WDFY3: variants seen among roughly 807,000 people sequenced by gnomAD.
WDFY3 encodes WD repeat and FYVE domain containing 3.
A neutral mutation model predicts 409.6 loss-of-function variants in WDFY3; 66 were observed. The observed-to-expected ratio is 0.16, with a 90% CI of 0.13 to 0.20. The LOEUF (loss-of-function observed/expected upper bound fraction) is 0.20, where lower values mean the gene tolerates loss of function less well. Ranked by LOEUF, WDFY3 falls within the 10% of genes least tolerant of loss-of-function variation. WDFY3 has a pLI of 1.00. For synonymous variants in WDFY3, 1,521 were observed against 1,537.1 expected, an observed-to-expected ratio of 0.99 and a Z score of 0.25; for missense variants, 3,031 against 4,298.1, an observed-to-expected ratio of 0.71 and a Z score of 8.24.
At chr4:84,675,371 T>G (rs1726100182) in intron 67 of WDFY3, among the ~76,000 whole-genome samples, 1 of 152,186 alleles carries the variant, frequency 6.6e-6, no homozygotes, top group Non-Finnish European at 1.5e-5. Context: ...TTTGGGTCCC[T>G]CATCTTGAAC....
chr4:84,789,997 T>C, intron 21 of WDFY3, 90 bp from the exon 22 acceptor site: 8 of 1,324,580 alleles, frequency 6.0e-6, no homozygotes, highest in Non-Finnish European at 7.3e-6. Flanking sequence ...TTTGACTTTA[T>C]GTTAAAACAA....
At chr4:84,709,386 A>C (rs771680297) in intron 51 of WDFY3, 39 bp from the exon 52 acceptor site, 15 of 1,550,744 alleles carry the variant, frequency 9.7e-6, no homozygotes, top group Non-Finnish European at 1.3e-5. Context: ...ACAAGCAATA[A>C]AATTTTAAAT....
intron 56 of WDFY3, among the ~76,000 whole-genome samples, chr4:84,698,337 T>G (rs1372093633): frequency 6.6e-6 from 1 of 151,212 alleles, no homozygotes; most frequent in Non-Finnish European, 1.5e-5. Flanking sequence ...CAGCCTGGAG[T>G]GCAGTGGTAT....
intron 55 of WDFY3, among the ~76,000 whole-genome samples, chr4:84,703,518 C>G (rs1731410043): frequency 6.6e-6 from 1 of 152,154 alleles, no homozygotes; most frequent in Non-Finnish European, 1.5e-5. Context: ...AACTCTTCCC[C>G]TACAACTAAC....
intron 18 of WDFY3, 132 bp from the exon 19 acceptor site, chr4:84,796,884 T>G (rs566515925): frequency 1.4e-6 from 1 of 694,828 alleles, no homozygotes; most frequent in South Asian, 2.0e-5. Flanking sequence ...AAGATCATTA[T>G]CCAGTTTTAA....
At chr4:84,890,936 C>T (rs1348284232) in intron 3 of WDFY3, among the ~76,000 whole-genome samples, 1 of 152,170 alleles carries the variant, frequency 6.6e-6, no homozygotes, top group Non-Finnish European at 1.5e-5. Flanking sequence ...ACTACAGGTG[C>T]CTACCACTGT....
intron 1 of WDFY3, among the ~76,000 whole-genome samples, chr4:84,933,593 T>C (rs918191752): frequency 5.9e-4 from 89 of 152,120 alleles, no homozygotes; most frequent in African/African-American, 2.1e-3. Flanking sequence ...ACTGTCACCC[T>C]ATTGTGCTAC....
chr4:84,833,158 A>C (rs1756005052), intron 7 of WDFY3, among the ~76,000 whole-genome samples: 1 of 152,150 alleles, frequency 6.6e-6, no homozygotes, highest in Non-Finnish European at 1.5e-5. Flanking sequence ...ACACACCATT[A>C]AGAGCCTGCC....
chr4:84,679,598 G>A (rs138465846), intron 64 of WDFY3, among the ~76,000 whole-genome samples: 3 of 152,192 alleles, frequency 2.0e-5, no homozygotes, highest in Admixed American at 6.5e-5. Flanking sequence ...CTCCAAAGGT[G>A]AGCTTCTTCA....
At chr4:84,710,444 A>G (rs1212000664) in intron 51 of WDFY3, among the ~76,000 whole-genome samples, 1 of 152,226 alleles carries the variant, frequency 6.6e-6, no homozygotes, top group Admixed American at 6.5e-5. Flanking sequence ...TATAATATTG[A>G]TAATTAATAA....
In WDFY3 at chr4:84,740,171, A is replaced by G. The variant is rs762897429; in HGVS notation, c.6464+16T>C. The G allele has an allele frequency of 3.7e-6, 6 of 1,612,998 alleles. No homozygotes were observed. The highest frequency in any genetic ancestry group is 1.1e-5 in the South Asian group (1 of 91,054). On this transcript the variant is annotated intron_variant, in intron 39 of 67. Transcript: ENST00000295888. Reference sequence around the variant, plus strand: ...AAGCCAAATTTAACATGGCAAACTGAACCTAAAGGATTTACCTTCCAACAT... The same window carrying G: ...AAGCCAAATTTAACATGGCAAACTGGACCTAAAGGATTTACCTTCCAACAT...
intron 3 of WDFY3, among the ~76,000 whole-genome samples, chr4:84,894,713 G>A (rs1765389168): frequency 6.6e-6 from 1 of 151,948 alleles, no homozygotes; most frequent in African/African-American, 2.4e-5. Flanking sequence ...TTCAACCCAG[G>A]AGGCAGAGGA....
chr4:84,852,946 T>C (rs1274169785), intron 4 of WDFY3, among the ~76,000 whole-genome samples: 2 of 152,040 alleles, frequency 1.3e-5, no homozygotes. Context: ...TTTGTAGAGA[T>C]AGGAATTTCG....
chr4:84,889,445 T>A (rs1764650407), intron 3 of WDFY3, among the ~76,000 whole-genome samples: 1 of 152,218 alleles, frequency 6.6e-6, no homozygotes, highest in Non-Finnish European at 1.5e-5. Flanking sequence ...TTGAAATTTC[T>A]GTAAAGGCAA....
At position 84,686,149 on chromosome 4, in the gene WDFY3, C is replaced by A. The variant is rs145717841; in HGVS notation, c.9543+1937G>T. Among the ~76,000 whole-genome samples, 929 of 152,034 alleles carry A rather than the reference C, an allele frequency of 6.1e-3. 11 individuals are homozygous for A. Among genetic ancestry groups the A allele is most frequent in the African/African-American group, 0.021 (878 of 41,476 alleles). ...TGAAACCCCGTCTCTACTAAAAATA[C>A]AAAAAAATCAGCTGGGCGCGGTGGT... On this transcript the variant is annotated intron_variant, in intron 62 of 67. Transcript: ENST00000295888.
chr4:84,938,311 G>T (rs1771694017), intron 1 of WDFY3, among the ~76,000 whole-genome samples: 1 of 152,100 alleles, frequency 6.6e-6, no homozygotes, highest in Non-Finnish European at 1.5e-5. Context: ...CTAGATTTTT[G>T]ATGTAAAAGA....
At chr4:84,829,334 G>T in intron 8 of WDFY3, 144 bp from the exon 9 acceptor site, 1 of 671,276 alleles carries the variant, frequency 1.5e-6, no homozygotes, top group Non-Finnish European at 2.3e-6. Flanking sequence ...CATTCTAAAA[G>T]TCAATATAAG....
chr4:84,803,765 T>C (rs1751047310), intron 15 of WDFY3: 1 of 206,242 alleles, frequency 4.8e-6, no homozygotes, highest in African/African-American at 2.3e-5. Context: ...CCACAAGATG[T>C]AAAGAACAAG....
At chr4:84,824,988 C>T (rs1158128446) in intron 10 of WDFY3, among the ~76,000 whole-genome samples, 5 of 152,116 alleles carry the variant, frequency 3.3e-5, no homozygotes, top group Non-Finnish European at 7.4e-5. Flanking sequence ...CTTATGATTA[C>T]ATAAATTCTG....
Sources: gnomAD v4.1 joint callset for allele counts (sites outside exome capture counted in the v4.1 genomes callset) on GRCh38, gnomAD v4.1.1 for gene constraint, MANE v1.5 for transcripts, NCBI Gene and HGNC (gene_info 2026-07-23, HGNC 2026-07-21) for gene names.